Variants in GRXCR1 observed in about 807,000 individuals in gnomAD.
GRXCR1 encodes the protein glutaredoxin domain-containing cysteine-rich protein 1.
A neutral mutation model predicts 27.3 loss-of-function variants in GRXCR1; 27 were observed. That is an observed-to-expected ratio of 0.99 (90% CI 0.73 to 1.37). The LOEUF (loss-of-function observed/expected upper bound fraction) is 1.37, where lower values mean the gene tolerates loss of function less well. GRXCR1 is among the 40% of genes most tolerant of loss of function. The pLI is 0.00. For missense variants in GRXCR1, 379 were observed against 354.4 expected (o/e 1.07, Z -0.56); for synonymous variants, 122 against 131.1 (o/e 0.93, Z 0.47).
intron 2 of GRXCR1, among the ~76,000 whole-genome samples, chr4:42,990,536 A>T (rs1286976839): frequency 6.6e-6 from 1 of 152,030 alleles, no homozygotes; most frequent in Non-Finnish European, 1.5e-5. Context: ...TTCATAGTAT[A>T]TTTAAATTTA....
At chr4:42,983,195 C>G (rs1208666146) in intron 2 of GRXCR1, among the ~76,000 whole-genome samples, 1 of 150,966 alleles carries the variant, frequency 6.6e-6, no homozygotes, top group Admixed American at 6.6e-5. Flanking sequence ...TTAGGTCTAA[C>G]GTTGAAGTCT....
intron 2 of GRXCR1, among the ~76,000 whole-genome samples, chr4:42,995,760 C>T: frequency 6.6e-6 from 1 of 152,220 alleles, no homozygotes; most frequent in East Asian, 1.9e-4. Context: ...TTTTTACCTT[C>T]TACCTCAAGA....
chr4:43,012,870 G>C (rs187728108), intron 2 of GRXCR1, among the ~76,000 whole-genome samples: 4 of 151,986 alleles, frequency 2.6e-5, no homozygotes, highest in Non-Finnish European at 5.9e-5. Flanking sequence ...AAATAATCCC[G>C]TTAAAAATGT....
intron 1 of GRXCR1, among the ~76,000 whole-genome samples, chr4:42,898,847 T>C (rs931315441): frequency 6.6e-6 from 1 of 152,130 alleles, no homozygotes; most frequent in Non-Finnish European, 1.5e-5. Context: ...GGAAATATTA[T>C]CTTTTTAGAT....
chr4:42,966,493 A>G (rs1167452606), intron 2 of GRXCR1, among the ~76,000 whole-genome samples: 1 of 152,132 alleles, frequency 6.6e-6, no homozygotes, highest in Non-Finnish European at 1.5e-5. Flanking sequence ...GACCACTAGT[A>G]TTGAGCGTAA....
chr4:42,898,119 A>G (rs1434225821), intron 1 of GRXCR1, among the ~76,000 whole-genome samples: 1 of 152,008 alleles, frequency 6.6e-6, no homozygotes, highest in East Asian at 1.9e-4. Flanking sequence ...TTGAAATGTC[A>G]TGATAACAAA....
intron 1 of GRXCR1, among the ~76,000 whole-genome samples, chr4:42,960,094 G>A (rs574931343): frequency 6.6e-5 from 10 of 152,052 alleles, no homozygotes; most frequent in African/African-American, 2.4e-4. Flanking sequence ...CAGAAAGGTG[G>A]TATACATGGT....
Position 43,007,473 on chromosome 4 carries a change from G to C in GRXCR1, c.628-12881G>C, listed in dbSNP as rs181306533. ...AAAGGTATTTAATGTTTTTAATCAG[G>C]AGAATGACAAGTGAAGTGATCATTG... On this transcript the variant is annotated intron_variant, in intron 2 of 3. Transcript: ENST00000399770. Among the ~76,000 whole-genome samples the C allele has an allele frequency of 6.6e-5, 10 of 152,304 alleles. No homozygotes were observed. In the East Asian group the frequency reaches 1.7e-3, roughly 26 times the overall value.
intron 1 of GRXCR1, among the ~76,000 whole-genome samples, chr4:42,944,691 G>A (rs893312598): frequency 3.9e-5 from 6 of 152,096 alleles, no homozygotes; most frequent in African/African-American, 7.2e-5. Flanking sequence ...AATACTGTGT[G>A]TACCAGAAGT....
chr4:42,925,245 T>C (rs796905742), intron 1 of GRXCR1, among the ~76,000 whole-genome samples: 4 of 151,924 alleles, frequency 2.6e-5, no homozygotes, highest in African/African-American at 9.6e-5. Context: ...GGAAGGAAAT[T>C]TAATGGAGAG....
chr4:42,979,825 ATTAC>A (rs1272008705), intron 2 of GRXCR1, among the ~76,000 whole-genome samples: 1 of 151,984 alleles, frequency 6.6e-6, no homozygotes, highest in African/African-American at 2.4e-5. Flanking sequence ...AATACTTTCT[ATTAC>A]TTATTCAATC....
At chr4:42,928,750 G>A (rs141559897) in intron 1 of GRXCR1, among the ~76,000 whole-genome samples, 65 of 152,042 alleles carry the variant, frequency 4.3e-4, no homozygotes, top group African/African-American at 1.5e-3. Context: ...GCAAGGGAGG[G>A]TAAACAATTT....
intron 1 of GRXCR1, among the ~76,000 whole-genome samples, chr4:42,925,078 G>C (rs1747128228): frequency 6.6e-6 from 1 of 151,612 alleles, no homozygotes; most frequent in Non-Finnish European, 1.5e-5. Context: ...AAAAAAGAAA[G>C]CTTATGAGGA....
chr4:42,924,322 C>A (rs1429609080), intron 1 of GRXCR1, among the ~76,000 whole-genome samples: 1 of 151,980 alleles, frequency 6.6e-6, no homozygotes, highest in African/African-American at 2.4e-5. Context: ...TGTTTGTATG[C>A]ATGTGGGTGT....
intron 1 of GRXCR1, among the ~76,000 whole-genome samples, chr4:42,958,701 A>G (rs1341722596): frequency 6.6e-6 from 1 of 152,016 alleles, no homozygotes; most frequent in African/African-American, 2.4e-5. Context: ...TAGGAACACA[A>G]ATAACTAACT....
intron 2 of GRXCR1, among the ~76,000 whole-genome samples, chr4:43,009,610 T>C (rs1357243934): frequency 1.3e-5 from 2 of 152,172 alleles, no homozygotes; most frequent in East Asian, 3.9e-4. Flanking sequence ...TGGTGTCTAG[T>C]GAGAGCCCAA....
At chr4:42,947,650 A>G (rs115464112) in intron 1 of GRXCR1, among the ~76,000 whole-genome samples, 1,602 of 152,260 alleles carry the variant, frequency 0.011, 18 homozygotes, top group Non-Finnish European at 0.017. Flanking sequence ...CCAAAATCTA[A>G]TAATTAGCTC....
chr4:42,952,018 A>G (rs1747894004), intron 1 of GRXCR1, among the ~76,000 whole-genome samples: 1 of 152,220 alleles, frequency 6.6e-6, no homozygotes, highest in African/African-American at 2.4e-5. Context: ...GAGAAAATAG[A>G]AAACACTCTG....
At chr4:42,933,908 G>T (rs1019865874) in intron 1 of GRXCR1, among the ~76,000 whole-genome samples, 2 of 151,882 alleles carry the variant, frequency 1.3e-5, no homozygotes, top group Non-Finnish European at 2.9e-5. Flanking sequence ...TCTGAAGATG[G>T]ACGAGAAAGG....
Sources: allele counts gnomAD v4.1 joint callset (sites outside exome capture counted in the v4.1 genomes callset), GRCh38; gene constraint gnomAD v4.1.1; transcripts MANE v1.5; gene names NCBI Gene and HGNC (gene_info 2026-07-23, HGNC 2026-07-21).